The following ZNF382 variants were observed in gnomAD, a reference collection of about 807,000 sequenced individuals.
ZNF382 encodes KRAB/zinc finger suppressor protein 1.
Under a neutral mutation model 38.8 loss-of-function variants are expected in ZNF382, and 20 were observed. The observed-to-expected ratio is 0.51, with a 90% CI of 0.36 to 0.75. ZNF382 has a LOEUF of 0.75. Among genes scored for constraint, ZNF382 ranks in the 30% least tolerant of loss-of-function variants. The probability of loss-of-function intolerance (pLI) is 0.00; values close to 1 mark genes in which losing one functional copy is unlikely to be tolerated. For missense variants in ZNF382, 546 were observed against 654.1 expected (o/e 0.83, Z 1.80); for synonymous variants, 202 against 223.1 (o/e 0.91, Z 0.84).
intron 2 of ZNF382, chr19:36,608,093 C>G (rs1001513054): frequency 6.5e-6 from 1 of 155,026 alleles, no homozygotes; most frequent in Non-Finnish European, 1.4e-5. Context: ...TGTGAGTAGT[C>G]ATGGAGCAGA....
rs750438164 is a variant in ZNF382, at chr19:36,626,748, T to C, written c.851T>C (p.Ile284Thr). ...TTCCTCTGCAGAAAGCCTGTTTTTA[T>C]TATGCCTCAGAGACCTCAAACAGAA... Reference protein sequence around the residue: ...GKFLCRKPVFIMPQRPQTEEK... With the variant: ...GKFLCRKPVFTMPQRPQTEEK... The change falls in exon 5 of 5, where the codon ATT becomes ACT. Residue 284 changes from isoleucine (I) to threonine (T), a missense_variant. Transcript: ENST00000292928. The C allele has an allele frequency of 4.9e-5, 79 of 1,614,112 alleles. No individual in the cohort carries two copies. Among genetic ancestry groups the C allele is most frequent in the Non-Finnish European group, 6.4e-5 (75 of 1,180,052 alleles).
In ZNF382 at chr19:36,632,948, C is replaced by T. The variant is rs760467665; in HGVS notation, c.*5398C>T. The T allele has an allele frequency of 3.9e-5, 6 of 152,144 alleles. No homozygotes were observed. Among genetic ancestry groups the T allele is most frequent in the Non-Finnish European group, 5.9e-5 (4 of 68,040 alleles). The allele number at this position is 152,144 out of a possible 1,614,324, so 9.4% of individuals were successfully genotyped here. ...GAGCCAGGCTTGCCATGTCCTGCTTCACAAGTAATGTGCAACAGCAAAAGC... is the reference window on the plus strand; with the variant it reads ...GAGCCAGGCTTGCCATGTCCTGCTTTACAAGTAATGTGCAACAGCAAAAGC... On this transcript the variant is annotated 3_prime_UTR_variant, in exon 5 of 5. Coordinates refer to ENST00000292928, the MANE Select transcript of ZNF382 (RefSeq NM_032825.5).
intron 4 of ZNF382, among the ~76,000 whole-genome samples, chr19:36,619,996 G>A (rs1200375278): frequency 6.6e-6 from 1 of 152,146 alleles, no homozygotes; most frequent in South Asian, 2.1e-4. Flanking sequence ...CTCCCAAAGT[G>A]CTGGGATTAC....
intron 4 of ZNF382, among the ~76,000 whole-genome samples, chr19:36,615,151 A>G (rs192801533): frequency 2.4e-3 from 362 of 151,508 alleles, no homozygotes; most frequent in Non-Finnish European, 4.2e-3. Context: ...ATGCCCAGCT[A>G]ATTTTTGTAT....
intron 4 of ZNF382, among the ~76,000 whole-genome samples, chr19:36,623,504 G>T (rs569013355): frequency 6.6e-6 from 1 of 152,138 alleles, no homozygotes; most frequent in South Asian, 2.1e-4. Context: ...CTATGTGAAA[G>T]CTTAGCCGGG....
At position 36,631,796 on chromosome 19, in the gene ZNF382, T is replaced by G. The variant is rs1343182146; in HGVS notation, c.*4246T>G. The stretch of plus-strand genomic sequence containing the variant: ...AACTTATATATTGCTCAATGAAGTT[T>G]GGGCAACTCTAAGGAGCAAACATGT... On this transcript the variant is annotated 3_prime_UTR_variant, in exon 5 of 5. Transcript: ENST00000292928. 1.3e-5 allele frequency: 2 copies of G among 152,168 alleles called. No individual in the cohort carries two copies. The highest frequency in any genetic ancestry group is 2.9e-5 in the Non-Finnish European group (2 of 68,032). The allele number at this position is 152,168 out of a possible 1,614,324, so 9.4% of individuals were successfully genotyped here.
Position 36,627,204 on chromosome 19 carries a change from A to G in ZNF382, c.1307A>G (p.Tyr436Cys). The G allele has an allele frequency of 2.5e-6, 4 of 1,614,110 alleles. No individual in the cohort carries two copies. The highest frequency in any genetic ancestry group is 3.4e-6 in the Non-Finnish European group (4 of 1,180,016). ...HQRTHTGEKP[Y>C]ICNECGKSFC... ...AGAACTCACACAGGAGAGAAACCCT[A>G]TATTTGCAATGAATGTGGGAAGTCC... Residue 436 changes from tyrosine to cysteine, a missense_variant, in exon 5 of 5, where the codon TAT (tyrosine) becomes TGT (cysteine). By Grantham distance (194) the Tyr-to-Cys change is radical (BLOSUM62 -2). Coordinates refer to ENST00000292928, the MANE Select transcript of ZNF382 (RefSeq NM_032825.5).
At chr19:36,621,518 T>C (rs2037170382) in intron 4 of ZNF382, among the ~76,000 whole-genome samples, 1 of 151,934 alleles carries the variant, frequency 6.6e-6, no homozygotes. Context: ...CTAAATATAC[T>C]TCATATACAG....
chr19:36,627,562 T>A lies in ZNF382; in HGVS notation c.*12T>A. The A allele has an allele frequency of 1.3e-6, 2 of 1,588,388 alleles. No homozygotes were observed. Among genetic ancestry groups the A allele is most frequent in the Non-Finnish European group, 8.6e-7 (1 of 1,162,286 alleles). ...CGGGAATTCAGTAAGTAATGTGGCT[T>A]TTTTTGTAAAAAAATGTTAAGTCAT... On this transcript the variant is annotated 3_prime_UTR_variant, in exon 5 of 5. Transcript: ENST00000292928.
In ZNF382 at chr19:36,626,218, A is replaced by C; in HGVS notation, c.321A>C (p.Lys107Asn). The C allele has an allele frequency of 6.2e-7, 1 of 1,603,872 alleles. No homozygotes were observed. The highest frequency in any genetic ancestry group is 8.5e-7 in the Non-Finnish European group (1 of 1,177,510). The stretch of plus-strand genomic sequence containing the variant: ...GACCCCTCATATTCATCAACCACAA[A>C]AAACTAATTAAGGAGAGAAGTAATA... ...HSRPLIFINH[K>N]KLIKERSNIY... Residue 107 changes from lysine to asparagine, a missense_variant, in exon 5 of 5, where the codon AAA (lysine) becomes AAC (asparagine). Transcript: ENST00000292928.
At chr19:36,621,616 A>G (rs1304056226) in intron 4 of ZNF382, among the ~76,000 whole-genome samples, 2 of 151,448 alleles carry the variant, frequency 1.3e-5, no homozygotes, top group Non-Finnish European at 2.9e-5. Context: ...ACACACACAC[A>G]CAAAATACAA....
At chr19:36,623,783 G>A (rs2037187734) in intron 4 of ZNF382, among the ~76,000 whole-genome samples, 1 of 134,560 alleles carries the variant, frequency 7.4e-6, no homozygotes, top group South Asian at 2.4e-4. Context: ...GACAGAGTGA[G>A]ACTCTGTCTC....
At chr19:36,621,437 G>A (rs962411301) in intron 4 of ZNF382, among the ~76,000 whole-genome samples, 1 of 148,144 alleles carries the variant, frequency 6.8e-6, no homozygotes, top group Non-Finnish European at 1.5e-5. Context: ...GATCATACCC[G>A]ATTTGGTCAT....
In ZNF382 at chr19:36,617,642, T is replaced by C. The variant is rs1021061631; in HGVS notation, c.232+6900T>C. 3.3e-5 allele frequency among the ~76,000 whole-genome samples: 5 copies of C among 152,172 alleles called. No homozygotes were observed. The South Asian group carries it at 1.0e-3, about 32-fold the overall frequency. ...GGGTTTTGAAGTACTGGGGAGAGAA[T>C]GGGCCAACTCTGAATACGATAAGGA... On this transcript the variant is annotated intron_variant, in intron 4 of 4. Transcript: ENST00000292928.
At chr19:36,620,713 A>G (rs887334457) in intron 4 of ZNF382, among the ~76,000 whole-genome samples, 20 of 152,120 alleles carry the variant, frequency 1.3e-4, no homozygotes, top group African/African-American at 4.6e-4. Context: ...ATCAGAAATA[A>G]TAATTGCTAT....
intron 3 of ZNF382, 138 bp downstream of exon 3, chr19:36,610,191 C>CA (rs2037066039): frequency 9.1e-7 from 1 of 1,095,748 alleles, no homozygotes; most frequent in Non-Finnish European, 1.3e-6. Flanking sequence ...CACAGTGGCT[C>CA]ACGCCTGTAA....
chr19:36,617,571 CATT>C (rs2037135245), intron 4 of ZNF382, among the ~76,000 whole-genome samples: 1 of 152,132 alleles, frequency 6.6e-6, no homozygotes, highest in Non-Finnish European at 1.5e-5. Flanking sequence ...TAAAGAAAAA[CATT>C]ATCCTGACAC....
chr19:36,610,644 C>T lies in ZNF382; in HGVS notation c.140-6C>T, dbSNP rs1455013682. 5 of 1,606,224 alleles carry T rather than the reference C, an allele frequency of 3.1e-6. No homozygotes were observed. Among genetic ancestry groups the T allele is most frequent in the African/African-American group, 1.3e-5 (1 of 74,630 alleles). ...TTAGACCAAAAGTCTCATTTTCCATCATCAGGGTTTCACATGGCTAAGCCT... is the reference window on the plus strand; with the variant it reads ...TTAGACCAAAAGTCTCATTTTCCATTATCAGGGTTTCACATGGCTAAGCCT... On this transcript the variant is annotated splice_region_variant and splice_polypyrimidine_tract_variant and intron_variant, in intron 3 of 4. Coordinates refer to ENST00000292928, the MANE Select transcript of ZNF382 (RefSeq NM_032825.5).
chr19:36,608,566 C>T (rs2037052575), intron 2 of ZNF382: 1 of 152,162 alleles, frequency 6.6e-6, no homozygotes, highest in African/African-American at 2.4e-5. Context: ...CTAATTGGTT[C>T]TCTTCTTCTT....
Sources: allele counts gnomAD v4.1 joint callset (sites outside exome capture counted in the v4.1 genomes callset), GRCh38; gene constraint gnomAD v4.1.1; transcripts MANE v1.5; gene names NCBI Gene and HGNC (gene_info 2026-07-23, HGNC 2026-07-21).